Variants in P3H2 observed in about 807,000 individuals in gnomAD.
The protein encoded by P3H2 is leprecan-like 1.
A neutral mutation model predicts 87.0 loss-of-function variants in P3H2; 80 were observed. The observed-to-expected ratio is 0.92, with a 90% confidence interval of 0.77 to 1.11. P3H2 has a LOEUF of 1.11. Among genes scored for constraint, P3H2 ranks in the 50% least tolerant of loss-of-function variants. The pLI is 0.00. For synonymous variants in P3H2, 367 were observed against 359.3 expected, an observed-to-expected ratio of 1.02 and a Z score of -0.24; for missense variants, 1,001 against 923.9, an observed-to-expected ratio of 1.08 and a Z score of -1.08.
intron 1 of P3H2, among the ~76,000 whole-genome samples, chr3:190,074,272 G>C (rs1284449218): frequency 1.3e-5 from 2 of 152,168 alleles, no homozygotes; most frequent in Non-Finnish European, 2.9e-5. Flanking sequence ...CACTTCGGGA[G>C]GTCGAGGTGA....
At chr3:190,027,520 CATTA>C (rs1282464939) in intron 1 of P3H2, among the ~76,000 whole-genome samples, 2 of 151,666 alleles carry the variant, frequency 1.3e-5, no homozygotes, top group Non-Finnish European at 2.9e-5. Context: ...AGAAAGAGGT[CATTA>C]ATTAAACTAT....
intron 1 of P3H2, among the ~76,000 whole-genome samples, chr3:190,037,095 T>C (rs1428632585): frequency 2.0e-5 from 3 of 152,144 alleles, no homozygotes; most frequent in Admixed American, 1.3e-4. Context: ...TGGCCAATCA[T>C]ATAGCTCATC....
At chr3:189,976,522 C>T (rs1723354515) in intron 8 of P3H2, among the ~76,000 whole-genome samples, 1 of 152,202 alleles carries the variant, frequency 6.6e-6, no homozygotes, top group African/African-American at 2.4e-5. Flanking sequence ...CCACCTGGCC[C>T]TGCCCTTGAC....
intron 3 of P3H2, among the ~76,000 whole-genome samples, chr3:189,989,987 G>A (rs1176250546): frequency 6.6e-6 from 1 of 152,174 alleles, no homozygotes; most frequent in Non-Finnish European, 1.5e-5. Context: ...TCATGGCTGC[G>A]CTGAGTGGGT....
At chr3:189,985,243 G>A (rs2108917417) in intron 6 of P3H2, among the ~76,000 whole-genome samples, 1 of 151,660 alleles carries the variant, frequency 6.6e-6, no homozygotes, top group African/African-American at 2.4e-5. Flanking sequence ...AGTAACCAAT[G>A]GATAAATGAA....
At chr3:190,087,157 T>C (rs1410483191) in intron 1 of P3H2, among the ~76,000 whole-genome samples, 1 of 152,242 alleles carries the variant, frequency 6.6e-6, no homozygotes, top group African/African-American at 2.4e-5. Flanking sequence ...CTGCATATTT[T>C]ATACCACACC....
At chr3:189,972,335 T>C (rs1723201746) in intron 11 of P3H2, among the ~76,000 whole-genome samples, 1 of 152,124 alleles carries the variant, frequency 6.6e-6, no homozygotes, top group African/African-American at 2.4e-5. Flanking sequence ...GAAATGAAAA[T>C]TTTTTAAAAA....
chr3:190,032,137 C>CCA (rs1473090482), intron 1 of P3H2, among the ~76,000 whole-genome samples: 1 of 152,210 alleles, frequency 6.6e-6, no homozygotes, highest in African/African-American at 2.4e-5. Context: ...ATGCTTCCTT[C>CCA]CATATCCTAT....
chr3:189,970,936 G>T, intron 12 of P3H2, 45 bp from the exon 13 acceptor site: 1 of 1,072,720 alleles, frequency 9.3e-7, no homozygotes, highest in South Asian at 1.3e-5. Context: ...ATATGCTTAT[G>T]AGAGCATGGT....
chr3:190,046,450 A>G (rs1401728508), intron 1 of P3H2, among the ~76,000 whole-genome samples: 1 of 152,184 alleles, frequency 6.6e-6, no homozygotes, highest in African/African-American at 2.4e-5. Flanking sequence ...AATGCTGCCA[A>G]ATTCCATTGT....
intron 1 of P3H2, among the ~76,000 whole-genome samples, chr3:190,002,999 G>T (rs978671358): frequency 3.9e-5 from 6 of 152,168 alleles, no homozygotes; most frequent in Non-Finnish European, 8.8e-5. Context: ...ACTTATCTTT[G>T]CATTTATGGA....
At position 190,015,960 on chromosome 3, in the gene P3H2, T is replaced by C. The variant is rs114373909; in HGVS notation, c.481-20518A>G. Reference sequence around the variant, plus strand: ...GCATGTGCATGTGTGTGTATCTGCGTTGGAGGGTGGGGGTGCTTGCATTCT... The same window carrying C: ...GCATGTGCATGTGTGTGTATCTGCGCTGGAGGGTGGGGGTGCTTGCATTCT... On this transcript the variant is annotated intron_variant, in intron 1 of 14. Coordinates refer to ENST00000319332, the MANE Select transcript of P3H2 (RefSeq NM_018192.4). 3.8e-3 allele frequency among the ~76,000 whole-genome samples: 571 copies of C among 152,216 alleles called. 3 individuals carry two copies. The highest frequency in any genetic ancestry group is 0.013 in the African/African-American group (557 of 41,524).
In P3H2 at chr3:190,095,597, C is replaced by CTT. The variant is rs68094675; in HGVS notation, c.480+24653_480+24654dup. ...AAAAAACAAAAACAAGTTGTGATTCCTTTTTTTTTTTTTTTTCCTTTAAAA... is the reference window on the plus strand; with the variant it reads ...AAAAAACAAAAACAAGTTGTGATTCCTTTTTTTTTTTTTTTTTTCCTTTAAAA... On this transcript the variant is annotated intron_variant, in intron 1 of 14. Coordinates refer to ENST00000319332, the MANE Select transcript of P3H2 (RefSeq NM_018192.4). Among the ~76,000 whole-genome samples the CTT allele has an allele frequency of 2.4e-3, 316 of 131,848 alleles. 1 individual carries two copies. Among genetic ancestry groups the CTT allele is most frequent in the African/African-American group, 8.4e-3 (298 of 35,348 alleles). The allele number at this position is 131,848 out of a possible 152,430, so 86.5% of individuals were successfully genotyped here.
At chr3:190,111,010 G>C (rs1170937732) in intron 1 of P3H2, among the ~76,000 whole-genome samples, 1 of 152,146 alleles carries the variant, frequency 6.6e-6, no homozygotes, top group Non-Finnish European at 1.5e-5. Context: ...TGATAGCCCT[G>C]CACTTCTAGA....
chr3:190,090,483 C>A (rs1727372294), intron 1 of P3H2, among the ~76,000 whole-genome samples: 1 of 152,120 alleles, frequency 6.6e-6, no homozygotes, highest in African/African-American at 2.4e-5. Flanking sequence ...GCGGGTGGAT[C>A]ACGAGGTCAG....
chr3:189,960,516 G>T (rs1377312500), intron 14 of P3H2, among the ~76,000 whole-genome samples: 1 of 152,136 alleles, frequency 6.6e-6, no homozygotes, highest in African/African-American at 2.4e-5. Flanking sequence ...TAAAGAAATT[G>T]ATCTTTTAAA....
chr3:189,969,545 T>C (rs1335971259), intron 13 of P3H2: 6 of 1,245,322 alleles, frequency 4.8e-6, no homozygotes, highest in Non-Finnish European at 5.9e-6. Context: ...AATGACAATA[T>C]CGCCAGGTTG....
chr3:190,083,957 G>A (rs1727133260), intron 1 of P3H2, among the ~76,000 whole-genome samples: 2 of 152,196 alleles, frequency 1.3e-5, no homozygotes, highest in Admixed American at 6.5e-5. Flanking sequence ...TCTAGGTTAA[G>A]AGTCTAAGTA....
chr3:190,118,374 A>T (rs990815764), intron 1 of P3H2, among the ~76,000 whole-genome samples: 2 of 151,992 alleles, frequency 1.3e-5, no homozygotes, highest in African/African-American at 4.8e-5. Context: ...AGCTACAGGG[A>T]CCACCCATGT....
Sources: gnomAD v4.1 joint callset for allele counts (sites outside exome capture counted in the v4.1 genomes callset) on GRCh38, gnomAD v4.1.1 for gene constraint, MANE v1.5 for transcripts, NCBI Gene and HGNC (gene_info 2026-07-23, HGNC 2026-07-21) for gene names.